LRRTM4: variants seen among roughly 807,000 people sequenced by gnomAD.
LRRTM4 encodes the protein leucine rich repeat transmembrane neuronal 4.
A neutral mutation model predicts 47.6 loss-of-function variants in LRRTM4; 25 were observed. That is an observed-to-expected ratio of 0.53 (90% CI 0.38 to 0.73). The LOEUF is 0.73. LRRTM4 is among the 30% of genes least tolerant of loss of function. LRRTM4 has a pLI of 0.00. For missense variants in LRRTM4, 638 were observed against 713.4 expected, an observed-to-expected ratio of 0.89 and a Z score of 1.20; for synonymous variants, 311 against 269.5, an observed-to-expected ratio of 1.15 and a Z score of -1.51.
In LRRTM4 at chr2:76,769,879, ATAC is replaced by A. The variant is rs527263373; in HGVS notation, c.1552-20966_1552-20964del. On this transcript the variant is annotated intron_variant, in intron 3 of 3. Coordinates refer to ENST00000409884, the MANE Select transcript of LRRTM4 (RefSeq NM_001134745.3). ...AAAAAGTGCATTATAACAAAAAATA[ATAC>A]CTTTTTTTCAGAATGCTGAGAAGTC... Among the ~76,000 whole-genome samples, 259 of 152,318 alleles carry A rather than the reference ATAC, an allele frequency of 1.7e-3. 3 individuals are homozygous for A. The highest frequency in any genetic ancestry group is 6.0e-3 in the African/African-American group (251 of 41,564).
In LRRTM4 at chr2:77,432,736, G is replaced by A. The variant is rs546701945; in HGVS notation, c.1551+85582C>T. Among the ~76,000 whole-genome samples the A allele has an allele frequency of 4.6e-5, 7 of 152,278 alleles. 1 individual carries two copies. The South Asian group carries it at 1.5e-3, about 32-fold the overall frequency. On this transcript the variant is annotated intron_variant, in intron 3 of 3. Transcript: ENST00000409884. ...TGTATATGTTATATGTGTGTATATA[G>A]ATATAGGCATACACAAACACCCAAA... is the stretch of plus-strand genomic sequence containing the variant.
At chr2:77,466,201 G>GTC (rs1676976192) in intron 3 of LRRTM4, among the ~76,000 whole-genome samples, 1 of 152,074 alleles carries the variant, frequency 6.6e-6, no homozygotes, top group South Asian at 2.1e-4. Context: ...GGGCATATGG[G>GTC]GACAGCAAAG....
intron 3 of LRRTM4, among the ~76,000 whole-genome samples, chr2:76,998,111 T>C (rs1352740448): frequency 6.6e-6 from 1 of 152,066 alleles, no homozygotes; most frequent in Non-Finnish European, 1.5e-5. Context: ...ATACATGTAA[T>C]ATGCTCGAAT....
chr2:77,031,258 A>C (rs1438822275), intron 3 of LRRTM4, among the ~76,000 whole-genome samples: 1 of 152,018 alleles, frequency 6.6e-6, no homozygotes, highest in Non-Finnish European at 1.5e-5. Context: ...CTATGCATTA[A>C]TTTTTCTTTT....
chr2:77,106,262 CCTTGTCTTTTTCATGATAGTA>C (rs1171014051), intron 3 of LRRTM4, among the ~76,000 whole-genome samples: 1 of 152,124 alleles, frequency 6.6e-6, no homozygotes, highest in Non-Finnish European at 1.5e-5. Context: ...GGTATTGGTT[CCTTGTCTTTTTCATGATAGTA>C]ACATATAACC....
chr2:77,422,966 G>A (rs1475453473), intron 3 of LRRTM4, among the ~76,000 whole-genome samples: 2 of 151,930 alleles, frequency 1.3e-5, no homozygotes, highest in Admixed American at 1.3e-4. Context: ...TAATGAAATA[G>A]CAACAAAATA....
At chr2:76,951,184 G>A (rs1298146023) in intron 3 of LRRTM4, among the ~76,000 whole-genome samples, 1 of 151,988 alleles carries the variant, frequency 6.6e-6, no homozygotes, top group Non-Finnish European at 1.5e-5. Context: ...AAACTTATAA[G>A]CATCAAGGAA....
At chr2:77,009,387 G>A (rs1558795123) in intron 3 of LRRTM4, 1 of 152,082 alleles carries the variant, frequency 6.6e-6, no homozygotes, top group Non-Finnish European at 1.5e-5. Flanking sequence ...TTCAAAGCCT[G>A]CTAGTGATTT....
At chr2:77,342,277 G>T (rs1262048177) in intron 3 of LRRTM4, among the ~76,000 whole-genome samples, 1 of 151,964 alleles carries the variant, frequency 6.6e-6, no homozygotes, top group Non-Finnish European at 1.5e-5. Context: ...ACCCTGAGAG[G>T]ATATTTGGCA....
chr2:76,912,841 G>T (rs1438058269), intron 3 of LRRTM4, among the ~76,000 whole-genome samples: 1 of 152,150 alleles, frequency 6.6e-6, no homozygotes, highest in East Asian at 1.9e-4. Flanking sequence ...GCCATGTGAG[G>T]TGCCTAGCTC....
At chr2:77,216,722 G>C (rs1422439130) in intron 3 of LRRTM4, among the ~76,000 whole-genome samples, 2 of 151,986 alleles carry the variant, frequency 1.3e-5, no homozygotes, top group African/African-American at 4.8e-5. Context: ...AACCTTGCTA[G>C]GAAGAGCATA....
In LRRTM4 at chr2:77,495,439, T is replaced by C. The variant is rs1432339957; in HGVS notation, c.1551+22879A>G. ...CGCTTTGTTGTTTTATGCCGCAAAC[T>C]TCTGTTGTCATATATAATAAATACT... is the stretch of plus-strand genomic sequence containing the variant. On this transcript the variant is annotated intron_variant, in intron 3 of 3. Coordinates refer to ENST00000409884, the MANE Select transcript of LRRTM4 (RefSeq NM_001134745.3). Among the ~76,000 whole-genome samples, 5 of 152,076 alleles carry C rather than the reference T, an allele frequency of 3.3e-5. No homozygotes were observed. The East Asian group carries it at 9.7e-4, about 29-fold the overall frequency.
chr2:77,292,853 T>A (rs1201211164), intron 3 of LRRTM4, among the ~76,000 whole-genome samples: 1 of 148,978 alleles, frequency 6.7e-6, no homozygotes, highest in Admixed American at 6.7e-5. Flanking sequence ...ATAATAATAA[T>A]AAAATTAAAA....
In LRRTM4 at chr2:77,286,274, T is replaced by C. The variant is rs554984573; in HGVS notation, c.1551+232044A>G. The stretch of plus-strand genomic sequence containing the variant: ...TCTTCATACTTATCTCAGTCAATAA[T>C]TAAATAAAATGAAAATATGCTTTTA... On this transcript the variant is annotated intron_variant, in intron 3 of 3. Coordinates refer to ENST00000409884, the MANE Select transcript of LRRTM4 (RefSeq NM_001134745.3). Among the ~76,000 whole-genome samples, 5 of 152,114 alleles carry C rather than the reference T, an allele frequency of 3.3e-5. No homozygotes were observed. The South Asian group carries it at 1.0e-3, about 32-fold the overall frequency.
chr2:77,316,245 G>A (rs913182407), intron 3 of LRRTM4, among the ~76,000 whole-genome samples: 1 of 152,172 alleles, frequency 6.6e-6, no homozygotes, highest in Non-Finnish European at 1.5e-5. Flanking sequence ...CCAGATGAAA[G>A]GAGATAATAT....
At chr2:77,483,516 T>G (rs1467096611) in intron 3 of LRRTM4, among the ~76,000 whole-genome samples, 1 of 152,120 alleles carries the variant, frequency 6.6e-6, no homozygotes, top group Non-Finnish European at 1.5e-5. Context: ...AATTTTTGTA[T>G]TTTTAGTAGA....
intron 3 of LRRTM4, among the ~76,000 whole-genome samples, chr2:76,859,633 A>G (rs1000873355): frequency 6.6e-6 from 1 of 152,134 alleles, no homozygotes; most frequent in Non-Finnish European, 1.5e-5. Context: ...AAGTTACATA[A>G]AAGTTTGCAT....
intron 3 of LRRTM4, among the ~76,000 whole-genome samples, chr2:76,921,978 A>G (rs1674446733): frequency 6.6e-6 from 1 of 152,136 alleles, no homozygotes; most frequent in Non-Finnish European, 1.5e-5. Context: ...ATTCACAATA[A>G]ACAAATTGTG....
intron 3 of LRRTM4, among the ~76,000 whole-genome samples, chr2:77,492,124 C>T (rs1038422826): frequency 6.6e-6 from 1 of 151,918 alleles, no homozygotes; most frequent in Admixed American, 6.6e-5. Context: ...AAGTGACCCA[C>T]ATTTTTTAAA....
Sources: gnomAD v4.1 joint callset for allele counts (sites outside exome capture counted in the v4.1 genomes callset) on GRCh38, gnomAD v4.1.1 for gene constraint, MANE v1.5 for transcripts, NCBI Gene and HGNC (gene_info 2026-07-23, HGNC 2026-07-21) for gene names.